AFAP1: variants seen among roughly 807,000 people sequenced by gnomAD.
The protein encoded by AFAP1 is actin filament-associated protein 1.
Under a neutral mutation model 93.9 loss-of-function variants are expected in AFAP1, and 75 were observed. The ratio of observed to expected loss-of-function variants is 0.80; its 90% CI spans 0.66 to 0.97. The LOEUF is 0.97. Ranked by LOEUF, AFAP1 falls within the 50% of genes least tolerant of loss-of-function variation. The pLI, the probability that AFAP1 is intolerant of heterozygous loss-of-function variation, is 0.00. For missense variants in AFAP1, 1,201 were observed against 1,050.8 expected, an observed-to-expected ratio of 1.14 and a Z score of -1.98; for synonymous variants, 517 against 430.7, an observed-to-expected ratio of 1.20 and a Z score of -2.48.
intron 6 of AFAP1, among the ~76,000 whole-genome samples, chr4:7,837,676 T>C (rs1424317000): frequency 1.3e-5 from 2 of 151,682 alleles, no homozygotes; most frequent in South Asian, 2.1e-4. Flanking sequence ...AAGACAGAAA[T>C]AATGGGCTGG....
intron 6 of AFAP1, among the ~76,000 whole-genome samples, chr4:7,827,569 CA>C (rs58075483): frequency 0.16 from 8,198 of 51,966 alleles, 422 homozygotes; most frequent in East Asian, 0.44. Flanking sequence ...ACTCTGTCTC[CA>C]AAAAAAAAAA....
intron 6 of AFAP1, among the ~76,000 whole-genome samples, chr4:7,832,427 G>A (rs1178846376): frequency 2.6e-5 from 4 of 152,014 alleles, no homozygotes; most frequent in Non-Finnish European, 5.9e-5. Context: ...GCTTTCCTGC[G>A]GATGACAGCG....
chr4:7,769,651 A>G (rs1276686393), intron 16 of AFAP1, among the ~76,000 whole-genome samples: 6 of 150,898 alleles, frequency 4.0e-5, no homozygotes, highest in East Asian at 1.9e-4. Context: ...CTCTGGGGGG[A>G]AAAAAACGCC....
chr4:7,867,110 G>C (rs1456565796), intron 3 of AFAP1, among the ~76,000 whole-genome samples: 5 of 91,414 alleles, frequency 5.5e-5, no homozygotes, highest in Non-Finnish European at 1.3e-4. Flanking sequence ...GGGGAGTAGA[G>C]GGGAGGGGAG....
At chr4:7,806,203 A>G (rs945536415) in intron 9 of AFAP1, among the ~76,000 whole-genome samples, 2 of 152,238 alleles carry the variant, frequency 1.3e-5, no homozygotes, top group Admixed American at 6.5e-5. Flanking sequence ...GCGTCAGTCA[A>G]CGTCACTCAA....
At chr4:7,818,588 C>T (rs528113869) in intron 7 of AFAP1, among the ~76,000 whole-genome samples, 1 of 152,300 alleles carries the variant, frequency 6.6e-6, no homozygotes, top group South Asian at 2.1e-4. Flanking sequence ...TGATGGGCTC[C>T]ATACATTTCT....
chr4:7,779,103 G>T, intron 13 of AFAP1: 1 of 521,536 alleles, frequency 1.9e-6, no homozygotes, highest in Non-Finnish European at 3.4e-6. Context: ...TGTAGGATGT[G>T]TTCCGCTGGA....
chr4:7,780,252 C>T (rs955741445), intron 13 of AFAP1, among the ~76,000 whole-genome samples: 2 of 152,202 alleles, frequency 1.3e-5, no homozygotes, highest in South Asian at 2.1e-4. Context: ...ATGGGAATCC[C>T]CAGGGATGGG....
At chr4:7,871,439 C>T (rs978759910) in intron 2 of AFAP1, among the ~76,000 whole-genome samples, 2 of 151,984 alleles carry the variant, frequency 1.3e-5, no homozygotes, top group African/African-American at 2.4e-5. Flanking sequence ...CCCTGGACAC[C>T]GAGTCTCTGA....
chr4:7,768,708 C>T (rs1714968974), intron 17 of AFAP1, 136 bp downstream of exon 17: 1 of 1,124,796 alleles, frequency 8.9e-7, no homozygotes, highest in East Asian at 2.9e-5. Context: ...GCACCCATTC[C>T]CAGATGTCTA....
At chr4:7,868,582 C>T in intron 3 of AFAP1, 40 bp downstream of exon 3, 12 of 1,585,098 alleles carry the variant, frequency 7.6e-6, no homozygotes, top group Non-Finnish European at 1.0e-5. Context: ...ACCCCCAGGC[C>T]TCCAGCGATG....
intron 3 of AFAP1, among the ~76,000 whole-genome samples, chr4:7,858,907 T>C (rs1715370105): frequency 6.6e-6 from 1 of 152,232 alleles, no homozygotes; most frequent in Non-Finnish European, 1.5e-5. Flanking sequence ...CATTGAGAGC[T>C]GACCCCATGT....
chr4:7,890,212 AG>A (rs1367610294), intron 1 of AFAP1, among the ~76,000 whole-genome samples: 1 of 152,242 alleles, frequency 6.6e-6, no homozygotes. Flanking sequence ...AACAAAGTCC[AG>A]AAATTCACCC....
At position 7,816,020 on chromosome 4, in the gene AFAP1, T is replaced by G. The variant is rs752780824; in HGVS notation, c.902A>C (p.Gln301Pro). 1.2e-6 allele frequency: 2 copies of G among 1,612,086 alleles called. No individual in the cohort carries two copies. Among genetic ancestry groups the G allele is most frequent in the East Asian group, 4.5e-5 (2 of 44,854 alleles). ...NGITTCNGKE[Q>P]VKRKKSSKSE... is the part of the protein sequence containing the mutation. Reference sequence around the variant, plus strand: ...TTTTTGGCACAAGCAGAACTCACCTTGCTCCTTTCCATTACATGTGGTAAT... The same window carrying G: ...TTTTTGGCACAAGCAGAACTCACCTGGCTCCTTTCCATTACATGTGGTAAT... The change falls in exon 8 of 18, where the codon CAA becomes CCA. Residue 301 changes from glutamine (Q) to proline (P), a missense_variant and splice_region_variant. Coordinates refer to ENST00000420658, the MANE Select transcript of AFAP1 (RefSeq NM_001134647.2).
chr4:7,856,638 G>A (rs570348998), intron 3 of AFAP1, among the ~76,000 whole-genome samples: 7 of 152,228 alleles, frequency 4.6e-5, no homozygotes, highest in East Asian at 1.9e-4. Context: ...TCCGCGCCTC[G>A]GGACAACCTA....
intron 10 of AFAP1, among the ~76,000 whole-genome samples, chr4:7,796,009 G>A (rs893917471): frequency 6.6e-6 from 1 of 152,080 alleles, no homozygotes; most frequent in Non-Finnish European, 1.5e-5. Flanking sequence ...GCATGTACGT[G>A]TATATATACA....
In AFAP1 at chr4:7,871,968, T is replaced by C. The variant is rs62636597; in HGVS notation, c.111A>G (p.Arg37=). 2,252 of 1,614,214 alleles carry C rather than the reference T, an allele frequency of 1.4e-3. 20 individuals carry two copies. The African/African-American group carries it at 0.019, about 14-fold the overall frequency. Residue 37 remains arginine, a synonymous_variant, in exon 2 of 18, where the codon AGA becomes AGG. Transcript: ENST00000420658. The stretch of plus-strand genomic sequence containing the variant: ...GAGACTCACCTTTGGATGACTGTAT[T>C]CTTAGCAGAATGTTGGTTATCACTG... The part of the protein sequence containing the change: ...KKAVITNILL[R]IQSSKGFDVK...
At chr4:7,843,097 C>A in intron 5 of AFAP1, 42 bp downstream of exon 5, 5 of 1,595,244 alleles carry the variant, frequency 3.1e-6, no homozygotes, top group Non-Finnish European at 2.6e-6. Context: ...CTTCTGAGTG[C>A]AGCAATCTTA....
At chr4:7,765,013 A>G (rs966230251) in intron 17 of AFAP1, among the ~76,000 whole-genome samples, 6 of 152,168 alleles carry the variant, frequency 3.9e-5, no homozygotes, top group African/African-American at 1.4e-4. Context: ...GGCTGAGGCG[A>G]GAGGATTGCT....
Sources: allele counts gnomAD v4.1 joint callset (sites outside exome capture counted in the v4.1 genomes callset), GRCh38; gene constraint gnomAD v4.1.1; transcripts MANE v1.5; gene names NCBI Gene and HGNC (gene_info 2026-07-23, HGNC 2026-07-21).